PRKAG2: variants seen among roughly 807,000 people sequenced by gnomAD.
The protein encoded by PRKAG2 is protein kinase AMP-activated non-catalytic subunit gamma 2.
Under a neutral mutation model 69.6 loss-of-function variants are expected in PRKAG2, and 26 were observed. That is an observed-to-expected ratio of 0.37 (90% CI 0.27 to 0.52). PRKAG2 has a LOEUF of 0.52. PRKAG2 is among the 20% of genes least tolerant of loss of function. The probability of loss-of-function intolerance (pLI) is 0.90; values close to 1 mark genes in which losing one functional copy is unlikely to be tolerated. For missense variants in PRKAG2, 557 were observed against 740.0 expected (o/e 0.75, Z 2.87); for synonymous variants, 293 against 285.0 (o/e 1.03, Z -0.28).
intron 1 of PRKAG2, among the ~76,000 whole-genome samples, chr7:151,808,030 C>T (rs2078209436): frequency 1.3e-5 from 2 of 152,130 alleles, no homozygotes; most frequent in Non-Finnish European, 2.9e-5. Flanking sequence ...GGGACCGCCC[C>T]GCAGCAAGAC....
chr7:151,847,592 C>T (rs916964445), intron 1 of PRKAG2, among the ~76,000 whole-genome samples: 4 of 152,228 alleles, frequency 2.6e-5, no homozygotes, highest in African/African-American at 4.8e-5. Flanking sequence ...TGGGGCACTG[C>T]TCATCTTCTG....
chr7:151,869,093 G>A (rs1017162548), intron 1 of PRKAG2, among the ~76,000 whole-genome samples: 2 of 152,090 alleles, frequency 1.3e-5, no homozygotes, highest in Non-Finnish European at 2.9e-5. Flanking sequence ...TATTGGGGGG[G>A]GCAGTTCAAA....
intron 3 of PRKAG2, among the ~76,000 whole-genome samples, chr7:151,696,923 G>A (rs529341768): frequency 2.1e-4 from 32 of 152,286 alleles, no homozygotes; most frequent in Non-Finnish European, 4.4e-4. Flanking sequence ...AGGACCAGGC[G>A]CTGCCACCTG....
intron 3 of PRKAG2, among the ~76,000 whole-genome samples, chr7:151,677,902 C>T (rs1042415390): frequency 1.3e-5 from 2 of 152,210 alleles, no homozygotes; most frequent in South Asian, 2.1e-4. Flanking sequence ...GCTCGATTTG[C>T]GAATCGTTCA....
intron 3 of PRKAG2, among the ~76,000 whole-genome samples, chr7:151,759,310 C>T (rs1465334745): frequency 6.6e-6 from 1 of 152,226 alleles, no homozygotes; most frequent in East Asian, 1.9e-4. Flanking sequence ...CTATTGCTGA[C>T]TTGCCCACAT....
intron 4 of PRKAG2, among the ~76,000 whole-genome samples, chr7:151,669,931 T>TGCACATACCTGCATGCACACACACCTGG (rs1831679387): frequency 3.0e-4 from 1 of 3,306 alleles, no homozygotes; most frequent in Non-Finnish European, 6.4e-4. Flanking sequence ...CACACACCTG[T>TGCACATACCTGCATGCACACACACCTGG]GCACACACTT....
intron 5 of PRKAG2, among the ~76,000 whole-genome samples, chr7:151,622,246 C>T (rs1359182674): frequency 6.6e-6 from 1 of 152,206 alleles, no homozygotes; most frequent in South Asian, 2.1e-4. Context: ...TGACAAAAGG[C>T]TATCCTAACT....
intron 5 of PRKAG2, among the ~76,000 whole-genome samples, chr7:151,624,468 G>C (rs1822367668): frequency 1.3e-5 from 2 of 152,040 alleles, no homozygotes; most frequent in Admixed American, 1.3e-4. Flanking sequence ...ATATTAAACA[G>C]ATTAAAAAGT....
Position 151,736,402 on chromosome 7 carries a change from T to C in PRKAG2, c.466+44750A>G, listed in dbSNP as rs1428149644. The C allele has an allele frequency of 6.1e-4, 546 of 888,068 alleles. 1 individual carries two copies. The highest frequency in any genetic ancestry group is 4.0e-3 in the Middle Eastern group (7 of 1,734). 55.0% of individuals were successfully genotyped at this position (888,068 alleles called of 1,614,324 possible). A position where few individuals can be genotyped will look rare whatever the true frequency, so the allele number is the denominator to read the frequency against. Reference sequence around the variant, plus strand: ...CCAGGGCTTTTTTTTTTTTTTTTTTTCTCCTTAAAATTAAAAAAAGGAGGG... The same window carrying C: ...CCAGGGCTTTTTTTTTTTTTTTTTTCCTCCTTAAAATTAAAAAAAGGAGGG... On this transcript the variant is annotated intron_variant, in intron 3 of 15. Coordinates refer to ENST00000287878, the MANE Select transcript of PRKAG2 (RefSeq NM_016203.4).
intron 5 of PRKAG2, among the ~76,000 whole-genome samples, chr7:151,598,451 C>A (rs1424492070): frequency 6.6e-6 from 1 of 152,024 alleles, no homozygotes; most frequent in African/African-American, 2.4e-5. Context: ...TTTGAATGTT[C>A]CTGCCATAAA....
chr7:151,797,236 A>T (rs879782645), intron 1 of PRKAG2, among the ~76,000 whole-genome samples: 1 of 62,616 alleles, frequency 1.6e-5, no homozygotes. Flanking sequence ...CACCCCCCCC[A>T]CCCCCCACCG....
In PRKAG2 at chr7:151,836,193, T is replaced by A. The variant is rs1014423108; in HGVS notation, c.114+40314A>T. ...TTCCCCTATAGCATGATTTCTCTTT[T>A]ATGTTTTGTCTGTCATCTCTTCCCC... On this transcript the variant is annotated intron_variant, in intron 1 of 15. Transcript: ENST00000287878. This position sits in a 1 kb window ranked among gnomAD's most constrained non-coding sequence, Gnocchi z 4.1. Among the ~76,000 whole-genome samples, 1 of 152,204 alleles carries A rather than the reference T, an allele frequency of 6.6e-6. No homozygotes were observed. Among genetic ancestry groups the A allele is most frequent in the African/African-American group, 2.4e-5 (1 of 41,450 alleles).
intron 3 of PRKAG2, among the ~76,000 whole-genome samples, chr7:151,689,760 G>C: frequency 6.6e-6 from 1 of 152,252 alleles, no homozygotes; most frequent in Middle Eastern, 3.4e-3. Flanking sequence ...ATCATCTGAC[G>C]CCACCCCGGC....
At chr7:151,683,345 C>T (rs986468007) in intron 3 of PRKAG2, among the ~76,000 whole-genome samples, 5 of 152,298 alleles carry the variant, frequency 3.3e-5, no homozygotes, top group South Asian at 4.1e-4. Flanking sequence ...CTCAGAAGCC[C>T]CAAGCTCTAG....
In PRKAG2 at chr7:151,583,652, A is replaced by G. The variant is rs1372417169; in HGVS notation, c.865-7200T>C. 6.6e-6 allele frequency among the ~76,000 whole-genome samples: 1 copy of G among 152,172 alleles called. No homozygotes were observed. Among genetic ancestry groups the G allele is most frequent in the East Asian group, 1.9e-4 (1 of 5,192 alleles). On this transcript the variant is annotated intron_variant, in intron 6 of 15. Coordinates refer to ENST00000287878, the MANE Select transcript of PRKAG2 (RefSeq NM_016203.4). This position sits in a 1 kb window ranked among gnomAD's most constrained non-coding sequence, Gnocchi z 4.1. ...ACAGGATACAAAGAGGACTAACACA[A>G]TCTAGTTCTAATTTGCAGGAAGAAA...
intron 3 of PRKAG2, among the ~76,000 whole-genome samples, chr7:151,775,338 A>T (rs1452741787): frequency 1.3e-5 from 2 of 152,208 alleles, no homozygotes; most frequent in African/African-American, 4.8e-5. Context: ...CATTTAGGAC[A>T]GTAAATGGAG....
At chr7:151,683,120 A>G (rs1834135778) in intron 3 of PRKAG2, among the ~76,000 whole-genome samples, 1 of 152,262 alleles carries the variant, frequency 6.6e-6, no homozygotes, top group Non-Finnish European at 1.5e-5. Flanking sequence ...CCCAGTGAAC[A>G]GCCCAGCGAG....
intron 15 of PRKAG2, chr7:151,558,778 C>T: frequency 1.5e-5 from 15 of 985,430 alleles, no homozygotes; most frequent in Non-Finnish European, 1.8e-5. Flanking sequence ...ATAGATTCCT[C>T]TCTGCACCAG....
At chr7:151,795,817 C>T (rs991098257) in intron 1 of PRKAG2, among the ~76,000 whole-genome samples, 2 of 130,532 alleles carry the variant, frequency 1.5e-5, no homozygotes, top group African/African-American at 3.2e-5. Context: ...TTCCGACCAA[C>T]GCATGAGTCA....
Sources: gnomAD v4.1 joint callset for allele counts (sites outside exome capture counted in the v4.1 genomes callset) on GRCh38, gnomAD v4.1.1 for gene constraint, Gnocchi (gnomAD v3.1) non-coding constraint, MANE v1.5 for transcripts, NCBI Gene and HGNC (gene_info 2026-07-23, HGNC 2026-07-21) for gene names.